Variants in CA4 observed in about 807,000 individuals in gnomAD.
CA4 encodes the protein carbonic anhydrase 4.
CA4 carries 24 observed loss-of-function variants against 34.5 expected under a neutral mutation model. The observed-to-expected ratio is 0.70, with a 90% CI of 0.50 to 0.98. The LOEUF is 0.98. Ranked by LOEUF, CA4 falls within the 50% of genes least tolerant of loss-of-function variation. The pLI is 0.00. For missense variants in CA4, 394 were observed against 396.7 expected, an observed-to-expected ratio of 0.99 and a Z score of 0.06; for synonymous variants, 178 against 170.6, an observed-to-expected ratio of 1.04 and a Z score of -0.34.
At chr17:60,170,240 A>G (rs1302970602) in intron 5 of CA4, among the ~76,000 whole-genome samples, 1 of 152,170 alleles carries the variant, frequency 6.6e-6, no homozygotes, top group African/African-American at 2.4e-5. Flanking sequence ...AGTTTAAGGG[A>G]GAAGGCATTG....
intron 5 of CA4, among the ~76,000 whole-genome samples, chr17:60,165,135 G>T (rs2083842165): frequency 6.6e-6 from 1 of 152,192 alleles, no homozygotes; most frequent in Non-Finnish European, 1.5e-5. Flanking sequence ...CACAGGTGGG[G>T]AGTAGGGAAC....
chr17:60,154,876 C>T (rs894515516), intron 1 of CA4, among the ~76,000 whole-genome samples: 2 of 152,184 alleles, frequency 1.3e-5, no homozygotes, highest in Admixed American at 6.5e-5. Flanking sequence ...GAAGGCTGCC[C>T]GGTTGAACCT....
At chr17:60,162,898 T>A (rs755210032), downstream of CA4, among the ~76,000 whole-genome samples, 5 of 152,282 alleles carry the variant, frequency 3.3e-5, no homozygotes, top group South Asian at 4.1e-4. Context: ...GGCTGAGCCA[T>A]CTGTGTCCAG....
At chr17:60,150,456 T>C (rs912553825) in intron 1 of CA4, among the ~76,000 whole-genome samples, 7 of 151,830 alleles carry the variant, frequency 4.6e-5, no homozygotes, top group Admixed American at 1.3e-4. Flanking sequence ...GTGGATCACC[T>C]GAGCCCAGGA....
intron 5 of CA4, among the ~76,000 whole-genome samples, chr17:60,168,860 A>G (rs2083885481): frequency 6.6e-6 from 1 of 152,112 alleles, no homozygotes; most frequent in Non-Finnish European, 1.5e-5. Flanking sequence ...TTGCAGGGGG[A>G]TAAAGGAGAA....
chr17:60,176,823 C>A, the CA4 span, among the ~76,000 whole-genome samples: 1 of 152,134 alleles, frequency 6.6e-6, no homozygotes, highest in Non-Finnish European at 1.5e-5. Flanking sequence ...TAAAACTGCT[C>A]CACCTCAAAT....
At chr17:60,178,076 T>TA in the CA4 span, among the ~76,000 whole-genome samples, 1 of 151,812 alleles carries the variant, frequency 6.6e-6, no homozygotes, top group African/African-American at 2.4e-5. Context: ...ACTGTAAAAT[T>TA]TAAAAAAAAG....
intron 7 of CA4, 55 bp from the exon 8 acceptor site, chr17:60,159,175 G>T: frequency 6.7e-7 from 1 of 1,501,592 alleles, no homozygotes; most frequent in East Asian, 2.4e-5. Context: ...GAGGTCACAC[G>T]GCAGGGAGTG....
In CA4 at chr17:60,159,529, G is replaced by A; in HGVS notation, c.*105G>A. 1 of 1,278,636 alleles carries A rather than the reference G, an allele frequency of 7.8e-7. No homozygotes were observed. Among genetic ancestry groups the A allele is most frequent in the Non-Finnish European group, 1.1e-6 (1 of 910,394 alleles). 79.2% of individuals were successfully genotyped at this position (1,278,636 alleles called of 1,614,324 possible). On this transcript the variant is annotated 3_prime_UTR_variant, in exon 8 of 8. Coordinates refer to ENST00000300900, the MANE Select transcript of CA4 (RefSeq NM_000717.5). ...GGACTTTAGGCATGATTAAAATATG[G>A]ACATATTTTTGGAGAAACCTTTCTC...
At chr17:60,167,587 G>A (rs1393131541) in intron 5 of CA4, among the ~76,000 whole-genome samples, 1 of 152,220 alleles carries the variant, frequency 6.6e-6, no homozygotes, top group East Asian at 1.9e-4. Context: ...CACCATTCCA[G>A]GGCTGGGACT....
downstream of CA4, among the ~76,000 whole-genome samples, chr17:60,174,596 T>C (rs2083940680): frequency 6.6e-6 from 1 of 152,172 alleles, no homozygotes; most frequent in Admixed American, 6.5e-5. Context: ...TTATCTACTC[T>C]CTTGCTTCCC....
At chr17:60,169,689 C>T (rs766227094) in intron 5 of CA4, among the ~76,000 whole-genome samples, 3 of 152,126 alleles carry the variant, frequency 2.0e-5, no homozygotes, top group South Asian at 2.1e-4. Flanking sequence ...TGGGGTTTCA[C>T]CATGTTAGCC....
chr17:60,162,416 G>A (rs1325503197), downstream of CA4, among the ~76,000 whole-genome samples: 1 of 152,116 alleles, frequency 6.6e-6, no homozygotes, highest in African/African-American at 2.4e-5. Flanking sequence ...TGCCCAGTCT[G>A]GCCTGGCTTC....
At chr17:60,174,211 T>A (rs2083937605), downstream of CA4, among the ~76,000 whole-genome samples, 1 of 152,094 alleles carries the variant, frequency 6.6e-6, no homozygotes, top group Non-Finnish European at 1.5e-5. Context: ...AGAACTAGAA[T>A]GTGACCTCCG....
chr17:60,177,458 A>C, the CA4 span, among the ~76,000 whole-genome samples: 1 of 152,240 alleles, frequency 6.6e-6, no homozygotes, highest in Non-Finnish European at 1.5e-5. Flanking sequence ...AATTTAATAA[A>C]TTTTCTGCTA....
At chr17:60,175,306 C>T (rs2083949412), downstream of CA4, among the ~76,000 whole-genome samples, 1 of 151,382 alleles carries the variant, frequency 6.6e-6, no homozygotes, top group Non-Finnish European at 1.5e-5. Context: ...TGGCAGCTCA[C>T]ACTTGTAATC....
At chr17:60,171,549 C>T (rs2083910639), downstream of CA4, among the ~76,000 whole-genome samples, 1 of 152,242 alleles carries the variant, frequency 6.6e-6, no homozygotes, top group African/African-American at 2.4e-5. Flanking sequence ...CTCCTGGGAG[C>T]ACTGTCAACT....
At chr17:60,160,424 G>A (rs1391080740), downstream of CA4, among the ~76,000 whole-genome samples, 5 of 152,190 alleles carry the variant, frequency 3.3e-5, no homozygotes, top group Admixed American at 2.0e-4. Context: ...AAGCAGGCAT[G>A]TTGTCTAATA....
At chr17:60,175,886 A>G (rs1026057314), downstream of CA4, among the ~76,000 whole-genome samples, 11 of 146,292 alleles carry the variant, frequency 7.5e-5, no homozygotes, top group African/African-American at 2.8e-4. Flanking sequence ...GCGTGATCTC[A>G]GCTCACTGCA....
Sources: gnomAD v4.1 joint callset for allele counts (sites outside exome capture counted in the v4.1 genomes callset) on GRCh38, gnomAD v4.1.1 for gene constraint, MANE v1.5 for transcripts, NCBI Gene and HGNC (gene_info 2026-07-23, HGNC 2026-07-21) for gene names.